The following IFNL1 variants were observed in gnomAD, a reference collection of about 807,000 sequenced individuals.
IFNL1 encodes interferon lambda 1.
Under a neutral mutation model 17.1 loss-of-function variants are expected in IFNL1, and 16 were observed. The observed-to-expected ratio is 0.93, with a 90% CI of 0.63 to 1.42. The LOEUF is 1.42. IFNL1 is among the 40% of genes most tolerant of loss of function. IFNL1 has a pLI of 0.00. For missense variants in IFNL1, 262 were observed against 249.4 expected, an observed-to-expected ratio of 1.05 and a Z score of -0.34; for synonymous variants, 104 against 111.4, an observed-to-expected ratio of 0.93 and a Z score of 0.42.
Position 39,296,576 on chromosome 19 carries a change from A to C in IFNL1, c.155A>C (p.Lys52Thr). 6.2e-7 allele frequency: 1 copy of C among 1,611,838 alleles called. No individual in the cohort carries two copies. Among genetic ancestry groups the C allele is most frequent in the Non-Finnish European group, 8.5e-7 (1 of 1,179,334 alleles). Residue 52 changes from lysine to threonine, a missense_variant, in exon 1 of 5, where the codon AAG becomes ACG. Physicochemically the swap from Lys to Thr is moderately conservative, Grantham distance 78 (BLOSUM62 -1). Coordinates refer to ENST00000333625, the MANE Select transcript of IFNL1 (RefSeq NM_172140.2). ...CCACAGGAGCTAGCGAGCTTCAAGAAGGCCAGGGACGCCTTGGTGAGTTCC... is the reference window on the plus strand; with the variant it reads ...CCACAGGAGCTAGCGAGCTTCAAGACGGCCAGGGACGCCTTGGTGAGTTCC... The part of the protein sequence containing the change: ...LSPQELASFK[K>T]ARDALEESLK...
chr19:39,298,330 G>A lies in IFNL1; in HGVS notation c.477+34G>A, dbSNP rs1311824648. On this transcript the variant is annotated intron_variant, in intron 4 of 4. Transcript: ENST00000333625. ...CCCAGGAAGAGAAGGACCAGGGTCT[G>A]GGGAGCCAATAGGAGCCCAGACCCT... 6 of 1,613,968 alleles carry A rather than the reference G, an allele frequency of 3.7e-6. No homozygotes were observed. The East Asian group carries it at 1.3e-4, about 36-fold the overall frequency.
chr19:39,297,956 C>T lies in IFNL1; in HGVS notation c.250-8C>T. The T allele has an allele frequency of 6.2e-7, 1 of 1,614,118 alleles. No individual in the cohort carries two copies. Among genetic ancestry groups the T allele is most frequent in the East Asian group, 2.2e-5 (1 of 44,858 alleles). ...CTCCCTCACCTGCTCTTTCTCACCT[C>T]TCCTCAGGTGAGGGAGCGCCCTGTG... On this transcript the variant is annotated splice_polypyrimidine_tract_variant and splice_region_variant and intron_variant, in intron 2 of 4. Coordinates refer to ENST00000333625, the MANE Select transcript of IFNL1 (RefSeq NM_172140.2).
In IFNL1 at chr19:39,296,465, G is replaced by C. The variant is rs770037863; in HGVS notation, c.44G>C (p.Gly15Ala). ...GTGGTGCTGGTGACTTTGGTGCTAG[G>C]CTTGGCCGTGGCAGGCCCTGTCCCC... ...WTVVLVTLVL[G>A]LAVAGPVPTS... The change falls in exon 1 of 5, where the codon GGC becomes GCC. Residue 15 changes from glycine to alanine, a missense_variant. By Grantham distance (60) the Gly-to-Ala change is moderately conservative (BLOSUM62 0). Coordinates refer to ENST00000333625, the MANE Select transcript of IFNL1 (RefSeq NM_172140.2). The C allele has an allele frequency of 6.2e-7, 1 of 1,612,298 alleles. No individual in the cohort carries two copies. Among genetic ancestry groups the C allele is most frequent in the Admixed American group, 1.7e-5 (1 of 59,778 alleles).
chr19:39,296,692 C>G, intron 1 of IFNL1, 100 bp downstream of exon 1: 4 of 1,488,160 alleles, frequency 2.7e-6, no homozygotes, highest in Non-Finnish European at 3.7e-6. Context: ...TGGCAAACCT[C>G]TATCCTTTCT....
intron 2 of IFNL1, among the ~76,000 whole-genome samples, chr19:39,297,222 T>G (rs1329286972): frequency 6.7e-6 from 1 of 150,010 alleles, no homozygotes; most frequent in Non-Finnish European, 1.5e-5. Flanking sequence ...ACTGACCCCC[T>G]CTCCCTCTCA....
At position 39,297,602 on chromosome 19, in the gene IFNL1, G is replaced by A. The variant is rs1434028351; in HGVS notation, c.250-362G>A. On this transcript the variant is annotated intron_variant, in intron 2 of 4. Transcript: ENST00000333625. The stretch of plus-strand genomic sequence containing the variant: ...CCCAAAGTGCTGGGATTACAGGCGT[G>A]AGCCACCACACCCAGCCCTACCCTT... 4.6e-5 allele frequency among the ~76,000 whole-genome samples: 7 copies of A among 152,158 alleles called. No homozygotes were observed. In the East Asian group the frequency reaches 5.8e-4, roughly 13 times the overall value.
intron 1 of IFNL1, 70 bp from the exon 2 acceptor site, chr19:39,296,735 T>C (rs1374590008): frequency 1.2e-5 from 19 of 1,523,736 alleles, no homozygotes; most frequent in Non-Finnish European, 1.5e-5. Flanking sequence ...TCAGGCCAAC[T>C]TCATCCTTGC....
rs776356476 is a variant in IFNL1, at chr19:39,296,565, G to A, written c.144G>A (p.Ala48=). 3.5e-5 allele frequency: 56 copies of A among 1,612,514 alleles called. No individual in the cohort carries two copies. In the African/African-American group the frequency reaches 3.6e-4, roughly 10 times the overall value. ...AATCTCTGTCACCACAGGAGCTAGC[G>A]AGCTTCAAGAAGGCCAGGGACGCCT... ...RFKSLSPQEL[A]SFKKARDALE... is the part of the protein sequence containing the mutation. The change falls in exon 1 of 5, where the codon GCG becomes GCA. Residue 48 remains alanine (A), a synonymous_variant. Coordinates refer to ENST00000333625, the MANE Select transcript of IFNL1 (RefSeq NM_172140.2).
Position 39,298,466 on chromosome 19 carries a change from G to A in IFNL1, c.553G>A (p.Ala185Thr). The A allele has an allele frequency of 6.2e-7, 1 of 1,614,126 alleles. No individual in the cohort carries two copies. Among genetic ancestry groups the A allele is most frequent in the South Asian group, 1.1e-5 (1 of 91,076 alleles). ...RLLTRDLKYV[A>T]DGNLCLRTST... ...CCTCACGCGAGACCTCAAATATGTG[G>A]CCGATGGGAACCTGTGTCTGAGAAC... is the stretch of plus-strand genomic sequence containing the variant. Residue 185 changes from alanine to threonine, a missense_variant, in exon 5 of 5, where the codon GCC becomes ACC. By Grantham distance (58) the Ala-to-Thr change is moderately conservative. Coordinates refer to ENST00000333625, the MANE Select transcript of IFNL1 (RefSeq NM_172140.2).
chr19:39,298,480 G>A lies in IFNL1; in HGVS notation c.567G>A (p.Leu189=), dbSNP rs1369387448. ...TCAAATATGTGGCCGATGGGAACCT[G>A]TGTCTGAGAACGTCAACCCACCCTG... ...RDLKYVADGN[L]CLRTSTHPES... The change falls in exon 5 of 5, where the codon CTG becomes CTA. Residue 189 remains leucine (L), a synonymous_variant. Transcript: ENST00000333625. The A allele has an allele frequency of 6.2e-7, 1 of 1,614,172 alleles. No individual in the cohort carries two copies. Among genetic ancestry groups the A allele is most frequent in the Non-Finnish European group, 8.5e-7 (1 of 1,180,032 alleles).
chr19:39,297,545 C>T (rs1046369372), intron 2 of IFNL1, among the ~76,000 whole-genome samples: 7 of 152,056 alleles, frequency 4.6e-5, no homozygotes, highest in Non-Finnish European at 1.0e-4. Context: ...GTCTCGAAAT[C>T]CTGACCTCAG....
chr19:39,298,237 C>T lies in IFNL1; in HGVS notation c.418C>T (p.Pro140Ser), dbSNP rs201955392. 3.0e-5 allele frequency: 48 copies of T among 1,614,034 alleles called. No individual in the cohort carries two copies. In the East Asian group the frequency reaches 8.5e-4, roughly 28 times the overall value. The part of the protein sequence containing the change: ...ACIQPQPTAG[P>S]RPRGRLHHWL... ...GATCCAGCCTCAGCCCACAGCAGGG[C>T]CCAGGCCCCGGGGCCGCCTCCACCA... Residue 140 changes from proline to serine, a missense_variant, in exon 4 of 5, where the codon CCC (proline) becomes TCC (serine). Coordinates refer to ENST00000333625, the MANE Select transcript of IFNL1 (RefSeq NM_172140.2).
chr19:39,297,963 G>T lies in IFNL1; in HGVS notation c.250-1G>T. On this transcript the variant is annotated splice_acceptor_variant, in intron 2 of 4. Transcript: ENST00000333625. LOFTEE classifies it high-confidence loss of function. Reference sequence around the variant, plus strand: ...ACCTGCTCTTTCTCACCTCTCCTCAGGTGAGGGAGCGCCCTGTGGCCTTGG... The same window carrying T: ...ACCTGCTCTTTCTCACCTCTCCTCATGTGAGGGAGCGCCCTGTGGCCTTGG... 6.2e-7 allele frequency: 1 copy of T among 1,614,118 alleles called. No homozygotes were observed. Among genetic ancestry groups the T allele is most frequent in the Non-Finnish European group, 8.5e-7 (1 of 1,180,032 alleles).
rs1417921998 is a variant in IFNL1 at position 39,298,636 on chromosome 19, T to A, written c.*120T>A. On this transcript the variant is annotated 3_prime_UTR_variant, in exon 5 of 5. Transcript: ENST00000333625. The stretch of plus-strand genomic sequence containing the variant: ...TAGGGCTGAGTTTATTGTTTTACTT[T>A]TATACATTATGCACAAATAAACAAC... 4.9e-6 allele frequency: 6 copies of A among 1,219,160 alleles called. No homozygotes were observed. The African/African-American group carries it at 9.2e-5, about 19-fold the overall frequency. The allele number at this position is 1,219,160 out of a possible 1,614,324, so 75.5% of individuals were successfully genotyped here.
At position 39,298,246 on chromosome 19, in the gene IFNL1, C is replaced by G; in HGVS notation, c.427C>G (p.Arg143Gly). The G allele has an allele frequency of 6.2e-7, 1 of 1,614,084 alleles. No individual in the cohort carries two copies. The change falls in exon 4 of 5, where the codon CGG (arginine) becomes GGG (glycine). Residue 143 changes from arginine to glycine, a missense_variant. Transcript: ENST00000333625. ...QPQPTAGPRPRGRLHHWLHRL... is the reference protein window; with the variant it reads ...QPQPTAGPRPGGRLHHWLHRL... The stretch of plus-strand genomic sequence containing the variant: ...TCAGCCCACAGCAGGGCCCAGGCCC[C>G]GGGGCCGCCTCCACCACTGGCTGCA...
Position 39,297,610 on chromosome 19 carries a change from A to G in IFNL1, c.250-354A>G, listed in dbSNP as rs142494795. On this transcript the variant is annotated intron_variant, in intron 2 of 4. Coordinates refer to ENST00000333625, the MANE Select transcript of IFNL1 (RefSeq NM_172140.2). The stretch of plus-strand genomic sequence containing the variant: ...GCTGGGATTACAGGCGTGAGCCACC[A>G]CACCCAGCCCTACCCTTCTTCTCTG... Among the ~76,000 whole-genome samples the G allele has an allele frequency of 6.8e-4, 103 of 151,608 alleles. 1 individual carries two copies. Among genetic ancestry groups the G allele is most frequent in the East Asian group, 2.7e-3 (14 of 5,136 alleles).
At chr19:39,297,802 T>C (rs1382821544) in intron 2 of IFNL1, among the ~76,000 whole-genome samples, 162 bp from the exon 3 acceptor site, 1 of 150,642 alleles carries the variant, frequency 6.6e-6, no homozygotes, top group Non-Finnish European at 1.5e-5. Flanking sequence ...ACCTGTATCC[T>C]TCCTCATGTC....
In IFNL1 at chr19:39,298,106, G is replaced by T; in HGVS notation, c.392G>T (p.Cys131Phe). 1 of 1,613,364 alleles carries T rather than the reference G, an allele frequency of 6.2e-7. No homozygotes were observed. Among genetic ancestry groups the T allele is most frequent in the Non-Finnish European group, 8.5e-7 (1 of 1,179,446 alleles). The change falls in exon 3 of 5, where the codon TGT becomes TTT. Residue 131 changes from cysteine (C) to phenylalanine (F), a missense_variant and splice_region_variant. Physicochemically the swap from Cys to Phe is radical, Grantham distance 205 (BLOSUM62 -2). Coordinates refer to ENST00000333625, the MANE Select transcript of IFNL1 (RefSeq NM_172140.2). The part of the protein sequence containing the change: ...LHHILSQLQA[C>F]IQPQPTAGPR... ...CACATCCTCTCCCAGCTCCAGGCCT[G>T]TGTGAGTCCTTGGGGCCCGGGCACC...
Position 39,296,881 on chromosome 19 carries a change from A to G in IFNL1, c.248A>G (p.Gln83Arg), listed in dbSNP as rs757123743. The stretch of plus-strand genomic sequence containing the variant: ...GGGAATTGGGACCTGAGGCTTCTCC[A>G]GGTGAGCTGAAAGTCAGGCCCCCTT... ...FPGNWDLRLLQVRERPVALEA... is the reference protein window; with the variant it reads ...FPGNWDLRLLRVRERPVALEA... The change falls in exon 2 of 5, where the codon CAG becomes CGG. Residue 83 changes from glutamine to arginine, a missense_variant and splice_region_variant. Gln to Arg is a conservative substitution (Grantham distance 43). Transcript: ENST00000333625. 8.1e-6 allele frequency: 13 copies of G among 1,613,204 alleles called. No individual in the cohort carries two copies. The African/African-American group carries it at 1.5e-4, about 18-fold the overall frequency.
Sources: allele counts gnomAD v4.1 joint callset (sites outside exome capture counted in the v4.1 genomes callset), GRCh38; gene constraint gnomAD v4.1.1; transcripts MANE v1.5; gene names NCBI Gene and HGNC (gene_info 2026-07-23, HGNC 2026-07-21).